The following SNX16 variants were observed in gnomAD, a reference collection of about 807,000 sequenced individuals.
The protein encoded by SNX16 is sorting nexin 16.
A neutral mutation model predicts 36.7 loss-of-function variants in SNX16; 35 were observed. The ratio of observed to expected loss-of-function variants is 0.95; its 90% CI spans 0.73 to 1.27. The LOEUF (loss-of-function observed/expected upper bound fraction) is 1.27, where lower values mean the gene tolerates loss of function less well. Among genes scored for constraint, SNX16 ranks in the 50% most tolerant of loss-of-function variants. The pLI, the probability that SNX16 is intolerant of heterozygous loss-of-function variation, is 0.00. For synonymous variants in SNX16, 134 were observed against 132.0 expected, an observed-to-expected ratio of 1.02 and a Z score of -0.10; for missense variants, 367 against 393.6, an observed-to-expected ratio of 0.93 and a Z score of 0.57.
chr8:81,822,993 T>C (rs1365241049), intron 4 of SNX16, among the ~76,000 whole-genome samples: 1 of 146,756 alleles, frequency 6.8e-6, no homozygotes, highest in Admixed American at 6.9e-5. Flanking sequence ...TGTGTGTGTA[T>C]ATCTATATAT....
rs1162178061 is a variant in SNX16, at chr8:81,815,413, A to C, written c.612-19T>G. The C allele has an allele frequency of 6.8e-6, 11 of 1,607,050 alleles. No individual in the cohort carries two copies. Among genetic ancestry groups the C allele is most frequent in the Admixed American group, 1.7e-5 (1 of 59,694 alleles). ...TGCAAGGCTTTTCAAAGGAAAAAAA[A>C]AATGATCTGAAGTACAAATAAGTTT... On this transcript the variant is annotated intron_variant, in intron 4 of 7. Transcript: ENST00000345957.
intron 4 of SNX16, among the ~76,000 whole-genome samples, chr8:81,816,243 G>A (rs1585992921): frequency 6.7e-6 from 1 of 149,804 alleles, no homozygotes; most frequent in East Asian, 2.0e-4. Context: ...AGTCTGGAGT[G>A]CAGTGATGTG....
chr8:81,825,274 C>T (rs1436846919), intron 3 of SNX16, among the ~76,000 whole-genome samples: 1 of 152,148 alleles, frequency 6.6e-6, no homozygotes, highest in African/African-American at 2.4e-5. Context: ...TTAGAAAAGA[C>T]AAACTGACAC....
chr8:81,837,080 T>C (rs1811523821), intron 2 of SNX16, among the ~76,000 whole-genome samples: 1 of 152,226 alleles, frequency 6.6e-6, no homozygotes, highest in African/African-American at 2.4e-5. Flanking sequence ...TAGTGCTATT[T>C]AAATCCCAAC....
rs144243948 is a variant in SNX16 at position 81,806,102 on chromosome 8, T to G, written c.682-2874A>C. On this transcript the variant is annotated intron_variant, in intron 5 of 7. Coordinates refer to ENST00000345957, the MANE Select transcript of SNX16 (RefSeq NM_152836.3). Reference sequence around the variant, plus strand: ...AGCTAAAGAAAATATCAAATCCAGATTGTTTTACAGGTGAATTCTAACAAA... The same window carrying G: ...AGCTAAAGAAAATATCAAATCCAGAGTGTTTTACAGGTGAATTCTAACAAA... 1.1e-3 allele frequency among the ~76,000 whole-genome samples: 173 copies of G among 152,238 alleles called. 2 individuals are homozygous for G. Among genetic ancestry groups the G allele is most frequent in the Middle Eastern group, 6.8e-3 (2 of 294 alleles).
At chr8:81,803,900 T>C (rs77763596) in intron 5 of SNX16, among the ~76,000 whole-genome samples, 1,578 of 151,076 alleles carry the variant, frequency 0.01, 27 homozygotes, top group African/African-American at 0.036. Flanking sequence ...AAGAATCTAA[T>C]CTAAAAAGCC....
Position 81,803,234 on chromosome 8 carries a change from A to G in SNX16, c.682-6T>C, listed in dbSNP as rs1376888210. ...TCTAAAGTTTCACAGAATGCCTTAA[A>G]AAAAACAACAAACAAAACTAAACAC... On this transcript the variant is annotated splice_polypyrimidine_tract_variant and splice_region_variant and intron_variant, in intron 5 of 7. Coordinates refer to ENST00000345957, the MANE Select transcript of SNX16 (RefSeq NM_152836.3). The G allele has an allele frequency of 1.3e-6, 2 of 1,591,932 alleles. No individual in the cohort carries two copies. Among genetic ancestry groups the G allele is most frequent in the Admixed American group, 1.9e-5 (1 of 53,918 alleles).
chr8:81,841,902 A>ATCACAGAC (rs1811805705), intron 1 of SNX16: 1 of 152,158 alleles, frequency 6.6e-6, no homozygotes, highest in Non-Finnish European at 1.5e-5. Flanking sequence ...GCTCCCTGGG[A>ATCACAGAC]TCACAGACTC....
intron 2 of SNX16, among the ~76,000 whole-genome samples, chr8:81,836,646 A>G (rs538860195): frequency 6.6e-6 from 1 of 152,282 alleles, no homozygotes; most frequent in East Asian, 1.9e-4. Context: ...CCAGAACCTG[A>G]TCACTTCTCA....
intron 1 of SNX16, 181 bp downstream of exon 1, chr8:81,841,941 A>T (rs2130790045): frequency 6.6e-6 from 1 of 152,218 alleles, no homozygotes; most frequent in African/African-American, 2.4e-5. Flanking sequence ...GTGCGCGCCC[A>T]GCGCCTCCCA....
intron 2 of SNX16, among the ~76,000 whole-genome samples, chr8:81,830,984 C>G (rs1441438469): frequency 6.6e-6 from 1 of 152,162 alleles, no homozygotes; most frequent in Non-Finnish European, 1.5e-5. Flanking sequence ...CATCTGTTCT[C>G]TGACAAAGTT....
chr8:81,814,263 G>A (rs1028576215), intron 5 of SNX16, among the ~76,000 whole-genome samples: 3 of 151,858 alleles, frequency 2.0e-5, no homozygotes, highest in Admixed American at 2.0e-4. Flanking sequence ...GGATAACATG[G>A]AATACCCTCA....
At chr8:81,837,189 C>T (rs1306173920) in intron 2 of SNX16, among the ~76,000 whole-genome samples, 2 of 152,202 alleles carry the variant, frequency 1.3e-5, no homozygotes, top group African/African-American at 4.8e-5. Context: ...TATTTACTTA[C>T]TTATCATGCT....
chr8:81,809,223 T>C (rs1370526951), intron 5 of SNX16, among the ~76,000 whole-genome samples: 1 of 152,124 alleles, frequency 6.6e-6, no homozygotes, highest in Non-Finnish European at 1.5e-5. Context: ...GAAACCTTGG[T>C]GTAGTTGAAC....
intron 4 of SNX16, among the ~76,000 whole-genome samples, chr8:81,819,382 A>G (rs1290179251): frequency 1.3e-5 from 2 of 152,126 alleles, no homozygotes; most frequent in African/African-American, 2.4e-5. Flanking sequence ...TGTTCCTGGT[A>G]CAAGACCTGT....
intron 5 of SNX16, among the ~76,000 whole-genome samples, chr8:81,812,437 T>C (rs1810303626): frequency 6.6e-6 from 1 of 151,658 alleles, no homozygotes; most frequent in Admixed American, 6.6e-5. Flanking sequence ...GCAAAATGGC[T>C]CATCATGCAC....
chr8:81,825,385 T>C lies in SNX16; in HGVS notation c.463-1445A>G, dbSNP rs544052293. Among the ~76,000 whole-genome samples, 7 of 152,324 alleles carry C rather than the reference T, an allele frequency of 4.6e-5. No homozygotes were observed. In the East Asian group the frequency reaches 1.4e-3, roughly 29 times the overall value. Reference sequence around the variant, plus strand: ...TTAGTAGACCAGTGATTCTAAACTCTGGCTGCACATTAGAATCACCCAGGA... The same window carrying C: ...TTAGTAGACCAGTGATTCTAAACTCCGGCTGCACATTAGAATCACCCAGGA... On this transcript the variant is annotated intron_variant, in intron 3 of 7. Coordinates refer to ENST00000345957, the MANE Select transcript of SNX16 (RefSeq NM_152836.3).
Position 81,814,140 on chromosome 8 carries a change from C to T in SNX16, c.681+1185G>A, listed in dbSNP as rs74868384. On this transcript the variant is annotated intron_variant, in intron 5 of 7. Transcript: ENST00000345957. Reference sequence around the variant, plus strand: ...ATATGAAATTGTTCATAGCATTACTCATAATATCACAAAACTGGAAACAAT... The same window carrying T: ...ATATGAAATTGTTCATAGCATTACTTATAATATCACAAAACTGGAAACAAT... 7.2e-4 allele frequency among the ~76,000 whole-genome samples: 110 copies of T among 152,094 alleles called. 1 individual carries two copies. The East Asian group carries it at 0.015, about 21-fold the overall frequency.
chr8:81,831,757 A>C (rs935853120), intron 2 of SNX16, among the ~76,000 whole-genome samples: 8 of 152,072 alleles, frequency 5.3e-5, no homozygotes, highest in African/African-American at 1.9e-4. Flanking sequence ...AAGTAGGCAA[A>C]AGACATGAAC....
Sources: allele counts gnomAD v4.1 joint callset (sites outside exome capture counted in the v4.1 genomes callset), GRCh38; gene constraint gnomAD v4.1.1; transcripts MANE v1.5; gene names NCBI Gene and HGNC (gene_info 2026-07-23, HGNC 2026-07-21).